The following SH3RF2 variants were observed in gnomAD, a reference collection of about 807,000 sequenced individuals.
The protein encoded by SH3RF2 is SH3 domain containing ring finger 2, also known as E3 ubiquitin-protein ligase SH3RF2.
SH3RF2 carries 43 observed loss-of-function variants against 59.0 expected under a neutral mutation model. The ratio of observed to expected loss-of-function variants is 0.73; its 90% confidence interval spans 0.57 to 0.94. The LOEUF is 0.94. Ranked by LOEUF, SH3RF2 falls within the 40% of genes least tolerant of loss-of-function variation. SH3RF2 has a pLI of 0.00. For missense variants in SH3RF2, 930 were observed against 940.1 expected (o/e 0.99, Z 0.14); for synonymous variants, 391 against 391.5 (o/e 1.00, Z 0.01).
chr5:146,044,048 G>A (rs1341440675), intron 5 of SH3RF2, among the ~76,000 whole-genome samples: 1 of 152,120 alleles, frequency 6.6e-6, no homozygotes, highest in East Asian at 1.9e-4. Flanking sequence ...TTCCAACATG[G>A]CCTGTACCAT....
At position 146,060,024 on chromosome 5, in the gene SH3RF2, T is replaced by G. The variant is rs754779274; in HGVS notation, c.1714T>G (p.Ser572Ala). 1 of 1,609,198 alleles carries G rather than the reference T, an allele frequency of 6.2e-7. No homozygotes were observed. Among genetic ancestry groups the G allele is most frequent in the African/African-American group, 1.3e-5 (1 of 74,634 alleles). The stretch of plus-strand genomic sequence containing the variant: ...CTCAGCCGTGGTGGTGGAGATGGGG[T>G]CCAAGCCTGCCCTCACGGGGGAGCC... ...SPSAVVVEMG[S>A]KPALTGEPAL... is the part of the protein sequence containing the mutation. The change falls in exon 9 of 10, where the codon TCC (serine) becomes GCC (alanine). Residue 572 changes from serine to alanine, a missense_variant. Physicochemically the swap from Ser to Ala is moderately conservative, Grantham distance 99. Transcript: ENST00000359120.
intron 2 of SH3RF2, chr5:145,997,958 G>A: frequency 1.3e-6 from 1 of 783,680 alleles, no homozygotes; most frequent in South Asian, 1.3e-5. Flanking sequence ...CCAAGTTCAT[G>A]GATCACAGGT....
At chr5:145,948,151 T>C (rs1161752019) in intron 2 of SH3RF2, among the ~76,000 whole-genome samples, 1 of 152,226 alleles carries the variant, frequency 6.6e-6, no homozygotes, top group Non-Finnish European at 1.5e-5. Context: ...TACAACCCAC[T>C]GAGAATGGTG....
At position 146,056,937 on chromosome 5, in the gene SH3RF2, C is replaced by T. The variant is rs1023533881; in HGVS notation, c.1555+724C>T. 3.3e-5 allele frequency among the ~76,000 whole-genome samples: 5 copies of T among 152,320 alleles called. 1 individual carries two copies. Among genetic ancestry groups the T allele is most frequent in the Non-Finnish European group, 7.3e-5 (5 of 68,032 alleles). ...TGCTTTTGTCTCTTCACATAGTGAA[C>T]TTCTACATAAGATTTCCTTTTCAGG... On this transcript the variant is annotated intron_variant, in intron 8 of 9. Coordinates refer to ENST00000359120, the MANE Select transcript of SH3RF2 (RefSeq NM_152550.4).
rs1228483702 is a variant in SH3RF2 at position 145,964,922 on chromosome 5, A to G, written c.378+26616A>G. Among the ~76,000 whole-genome samples the G allele has an allele frequency of 1.3e-5, 2 of 151,824 alleles. 1 individual carries two copies. The highest frequency in any genetic ancestry group is 2.9e-5 in the Non-Finnish European group (2 of 67,982). On this transcript the variant is annotated intron_variant, in intron 2 of 9. Coordinates refer to ENST00000359120, the MANE Select transcript of SH3RF2 (RefSeq NM_152550.4). ...AAAAACTAGTAACTGTAGGCCAGGC[A>G]TGGTGGTCTCCTGTAATCTCAGCAC...
chr5:145,938,569 A>G (rs1211825408), intron 2 of SH3RF2, among the ~76,000 whole-genome samples: 2 of 152,218 alleles, frequency 1.3e-5, no homozygotes, highest in Non-Finnish European at 2.9e-5. Flanking sequence ...AGAACAAGGA[A>G]AGCCTTTTAG....
chr5:146,064,765 AGG>A (rs756492324), downstream of SH3RF2, among the ~76,000 whole-genome samples: 5,230 of 46,158 alleles, frequency 0.11, 810 homozygotes, highest in Non-Finnish European at 0.15. Context: ...GAAGGAAGGA[AGG>A]AAGGAAGGAA....
At chr5:146,002,836 C>T (rs1760482826) in intron 3 of SH3RF2, among the ~76,000 whole-genome samples, 2 of 152,140 alleles carry the variant, frequency 1.3e-5, no homozygotes, top group African/African-American at 4.8e-5. Context: ...GAATCTAATG[C>T]CTGATAATGT....
intron 4 of SH3RF2, among the ~76,000 whole-genome samples, chr5:146,005,429 C>G (rs1174847862): frequency 6.6e-6 from 1 of 152,092 alleles, no homozygotes; most frequent in African/African-American, 2.4e-5. Flanking sequence ...CAGAACAGAC[C>G]ACAGTTGAGG....
chr5:146,064,780 G>GAAGGAAAGGAAGGAAGGA (rs1561773671), downstream of SH3RF2, among the ~76,000 whole-genome samples: 17 of 21,454 alleles, frequency 7.9e-4, 1 homozygote, highest in East Asian at 2.3e-3. Context: ...GGAAGGAAAG[G>GAAGGAAAGGAAGGAAGGA]AAGGAAGGAA....
intron 2 of SH3RF2, chr5:145,997,988 A>G: frequency 2.6e-6 from 2 of 755,144 alleles, no homozygotes; most frequent in Non-Finnish European, 4.9e-6. Flanking sequence ...CAGAACATAT[A>G]GACAAGTATA....
chr5:146,021,060 T>TG (rs1327277933), intron 5 of SH3RF2, among the ~76,000 whole-genome samples: 7 of 152,274 alleles, frequency 4.6e-5, no homozygotes, highest in Non-Finnish European at 7.4e-5. Flanking sequence ...TCTCCCAGGG[T>TG]GCTCCTTCAT....
chr5:145,995,268 TG>T (rs1479832698), intron 2 of SH3RF2, among the ~76,000 whole-genome samples: 3 of 152,292 alleles, frequency 2.0e-5, no homozygotes, highest in African/African-American at 7.2e-5. Context: ...ACTCCCACAC[TG>T]GCCTGGACTT....
chr5:145,986,125 G>T (rs1759695573), intron 2 of SH3RF2, among the ~76,000 whole-genome samples: 2 of 152,078 alleles, frequency 1.3e-5, no homozygotes, highest in Admixed American at 6.6e-5. Flanking sequence ...GCCCAGAGAG[G>T]TTCAGTACCT....
At chr5:146,073,966 GA>G (rs1287495826) in intron 9 of SH3RF2, among the ~76,000 whole-genome samples, 2 of 151,724 alleles carry the variant, frequency 1.3e-5, no homozygotes, top group Non-Finnish European at 2.9e-5. Flanking sequence ...AGCATAGTGG[GA>G]ATAGCAGGAA....
chr5:146,012,146 T>C (rs1222942839), intron 4 of SH3RF2, among the ~76,000 whole-genome samples: 1 of 152,184 alleles, frequency 6.6e-6, no homozygotes, highest in Non-Finnish European at 1.5e-5. Context: ...AATCATATGG[T>C]TTTTGTCGCT....
intron 5 of SH3RF2, among the ~76,000 whole-genome samples, chr5:146,025,880 C>T (rs1252573351): frequency 1.3e-5 from 2 of 152,214 alleles, no homozygotes; most frequent in Non-Finnish European, 2.9e-5. Context: ...CCTCAGTGTA[C>T]TCATCTGCAA....
chr5:146,064,792 G>A (rs1288029166), downstream of SH3RF2, among the ~76,000 whole-genome samples: 14 of 34,024 alleles, frequency 4.1e-4, no homozygotes, highest in African/African-American at 1.3e-3. Context: ...AGGAAGGAAG[G>A]AAGGAAGGAA....
At chr5:146,060,917 A>G (rs1762865428) in intron 9 of SH3RF2, among the ~76,000 whole-genome samples, 1 of 152,180 alleles carries the variant, frequency 6.6e-6, no homozygotes, top group Non-Finnish European at 1.5e-5. Context: ...AAGCAGGAGG[A>G]ATAGTGGGAA....
Sources: gnomAD v4.1 joint callset for allele counts (sites outside exome capture counted in the v4.1 genomes callset) on GRCh38, gnomAD v4.1.1 for gene constraint, MANE v1.5 for transcripts, NCBI Gene and HGNC (gene_info 2026-07-23, HGNC 2026-07-21) for gene names.